Variants in UBR3 observed in about 807,000 individuals in gnomAD.
UBR3 encodes ubiquitin protein ligase E3 component n-recognin 3, also known as E3 ubiquitin-protein ligase UBR3.
In UBR3, 85 loss-of-function variants were observed where a neutral mutation model predicts 243.2. That is an observed-to-expected ratio of 0.35 (90% confidence interval 0.29 to 0.42). UBR3 has a LOEUF of 0.42. UBR3 is among the 10% of genes least tolerant of loss of function. The pLI, the probability that UBR3 is intolerant of heterozygous loss-of-function variation, is 1.00. For synonymous variants in UBR3, 748 were observed against 799.8 expected (o/e 0.94, Z 1.09); for missense variants, 1,686 against 2,300.8 (o/e 0.73, Z 5.47).
intron 31 of UBR3, among the ~76,000 whole-genome samples, chr2:170,038,845 A>G (rs770686418): frequency 2.2e-4 from 33 of 152,086 alleles, no homozygotes; most frequent in Non-Finnish European, 2.6e-4. Context: ...AGAAACAGCA[A>G]TTACTTTGGC....
chr2:169,890,809 C>G (rs1230410836), intron 5 of UBR3, among the ~76,000 whole-genome samples: 1 of 149,634 alleles, frequency 6.7e-6, no homozygotes, highest in Non-Finnish European at 1.5e-5. Flanking sequence ...CTCCTCTTCT[C>G]TCCTACCTTC....
intron 24 of UBR3, among the ~76,000 whole-genome samples, chr2:169,973,924 A>ATG (rs2088296273): frequency 6.6e-6 from 1 of 152,200 alleles, no homozygotes; most frequent in Admixed American, 6.5e-5. Flanking sequence ...ATTTTGTCAA[A>ATG]TGCTTTTTCT....
chr2:170,066,919 G>A (rs973136764), intron 35 of UBR3, among the ~76,000 whole-genome samples: 27 of 150,930 alleles, frequency 1.8e-4, no homozygotes, highest in Admixed American at 4.6e-4. Context: ...AGCCGAGATC[G>A]CGCCACCGCA....
intron 19 of UBR3, among the ~76,000 whole-genome samples, chr2:169,934,818 C>T (rs190967186): frequency 1.3e-5 from 2 of 152,190 alleles, no homozygotes; most frequent in East Asian, 1.9e-4. Context: ...GAAAGTAAGC[C>T]GTTTGCTTTA....
chr2:169,933,566 G>GTAT (rs2086217696), intron 19 of UBR3, among the ~76,000 whole-genome samples: 1 of 152,158 alleles, frequency 6.6e-6, no homozygotes, highest in African/African-American at 2.4e-5. Context: ...CATTGTAAAT[G>GTAT]TATTATTTCA....
chr2:169,914,169 TA>T, intron 11 of UBR3, 23 bp downstream of exon 11: 1 of 1,385,004 alleles, frequency 7.2e-7, no homozygotes, highest in Non-Finnish European at 9.6e-7. Flanking sequence ...TTGATGTATG[TA>T]AATTTTTTGA....
At chr2:170,065,824 TATA>T (rs2091554570) in intron 35 of UBR3, among the ~76,000 whole-genome samples, 1 of 152,132 alleles carries the variant, frequency 6.6e-6, no homozygotes, top group African/African-American at 2.4e-5. Context: ...ATTATGATCA[TATA>T]ATCTGAAAAT....
Position 170,051,860 on chromosome 2 carries a change from A to C in UBR3, c.4661-3600A>C, listed in dbSNP as rs539322736. On this transcript the variant is annotated intron_variant, in intron 32 of 38. Transcript: ENST00000272793. ...GACTTTGACGGCACCATCCTTTCCTAGTTCTTCTACTGTCTCATTTCCTAC... is the reference window on the plus strand; with the variant it reads ...GACTTTGACGGCACCATCCTTTCCTCGTTCTTCTACTGTCTCATTTCCTAC... 3.3e-5 allele frequency among the ~76,000 whole-genome samples: 5 copies of C among 152,188 alleles called. No homozygotes were observed. In the South Asian group the frequency reaches 1.0e-3, roughly 32 times the overall value.
intron 1 of UBR3, among the ~76,000 whole-genome samples, chr2:169,839,877 TAAAG>T (rs1012853784): frequency 4.6e-5 from 7 of 152,138 alleles, no homozygotes; most frequent in Admixed American, 6.6e-5. Flanking sequence ...GTGTAAGAAT[TAAAG>T]AAAGAGGAAA....
At chr2:169,967,817 T>G (rs2087893527) in intron 24 of UBR3, among the ~76,000 whole-genome samples, 1 of 152,052 alleles carries the variant, frequency 6.6e-6, no homozygotes, top group Non-Finnish European at 1.5e-5. Flanking sequence ...ATATTTGCTT[T>G]GTGTGCTACC....
At chr2:169,906,605 G>A (rs187057697) in intron 10 of UBR3, among the ~76,000 whole-genome samples, 73 of 151,956 alleles carry the variant, frequency 4.8e-4, no homozygotes, top group African/African-American at 1.7e-3. Flanking sequence ...GAAACCTTGG[G>A]CAGTCCAGAC....
intron 26 of UBR3, among the ~76,000 whole-genome samples, chr2:169,999,987 G>A (rs909860904): frequency 2.0e-5 from 3 of 152,108 alleles, no homozygotes; most frequent in African/African-American, 7.2e-5. Flanking sequence ...TTAGCTGGAT[G>A]TGGTGGCACA....
intron 1 of UBR3, among the ~76,000 whole-genome samples, chr2:169,847,275 CTTTG>C (rs2082515538): frequency 6.6e-6 from 1 of 152,064 alleles, no homozygotes; most frequent in Non-Finnish European, 1.5e-5. Flanking sequence ...CCCATCTGTT[CTTTG>C]TTTGCTTTTT....
At chr2:170,033,749 A>T (rs1165451765) in intron 31 of UBR3, among the ~76,000 whole-genome samples, 2 of 151,624 alleles carry the variant, frequency 1.3e-5, no homozygotes, top group African/African-American at 4.8e-5. Flanking sequence ...ATAAAATTCT[A>T]TATCTGAGGA....
At chr2:170,040,142 TTTATTA>T (rs2090930805) in intron 31 of UBR3, among the ~76,000 whole-genome samples, 1 of 152,200 alleles carries the variant, frequency 6.6e-6, no homozygotes, top group Non-Finnish European at 1.5e-5. Context: ...AACATTTTAT[TTTATTA>T]TTAATTTTGA....
intron 29 of UBR3, among the ~76,000 whole-genome samples, chr2:170,010,202 C>G (rs145694109): frequency 2.6e-5 from 4 of 151,990 alleles, no homozygotes; most frequent in African/African-American, 9.7e-5. Context: ...TACATTCTTG[C>G]AATAAAAGAC....
At position 169,891,271 on chromosome 2, in the gene UBR3, G is replaced by A. The variant is rs1188813950; in HGVS notation, c.1105+40G>A. On this transcript the variant is annotated intron_variant, in intron 6 of 38. Transcript: ENST00000272793. ...TATTATTTTTTTCCTTGAATAAAAT[G>A]CTTCTAAAAAATGCCTAATCACTAA... 11 of 1,480,030 alleles carry A rather than the reference G, an allele frequency of 7.4e-6. No individual in the cohort carries two copies. In the South Asian group the frequency reaches 1.2e-4, roughly 17 times the overall value. 91.7% of individuals were successfully genotyped at this position (1,480,030 alleles called of 1,614,324 possible). A position where few individuals can be genotyped will look rare whatever the true frequency, so the allele number is the denominator to read the frequency against.
At chr2:169,932,598 G>A (rs1443470244) in intron 18 of UBR3, among the ~76,000 whole-genome samples, 1 of 152,126 alleles carries the variant, frequency 6.6e-6, no homozygotes, top group African/African-American at 2.4e-5. Context: ...CTAACCTGCT[G>A]TGTTTCTTTC....
chr2:169,897,324 G>A (rs1431041908), intron 8 of UBR3, among the ~76,000 whole-genome samples: 3 of 151,586 alleles, frequency 2.0e-5, no homozygotes, highest in Non-Finnish European at 4.4e-5. Flanking sequence ...TTCTTCTTTT[G>A]TGCCCACTAT....
Sources: allele counts gnomAD v4.1 joint callset (sites outside exome capture counted in the v4.1 genomes callset), GRCh38; gene constraint gnomAD v4.1.1; transcripts MANE v1.5; gene names NCBI Gene and HGNC (gene_info 2026-07-23, HGNC 2026-07-21).